HHIP: variants seen among roughly 807,000 people sequenced by gnomAD.
The protein encoded by HHIP is hedgehog interacting protein.
HHIP carries 12 observed loss-of-function variants against 74.0 expected under a neutral mutation model. That is an observed-to-expected ratio of 0.16 (90% CI 0.10 to 0.26). The LOEUF is 0.26. HHIP is among the 10% of genes least tolerant of loss of function. The pLI is 1.00. For missense variants in HHIP, 788 were observed against 845.0 expected, an observed-to-expected ratio of 0.93 and a Z score of 0.84; for synonymous variants, 309 against 311.6, an observed-to-expected ratio of 0.99 and a Z score of 0.09.
intron 11 of HHIP, among the ~76,000 whole-genome samples, chr4:144,726,779 G>A (rs540552083): frequency 9.2e-5 from 14 of 152,280 alleles, no homozygotes; most frequent in African/African-American, 3.1e-4. Context: ...CAACTGAGCC[G>A]TCAATGAAAA....
intron 8 of HHIP, among the ~76,000 whole-genome samples, chr4:144,713,214 G>GA (rs1198349774): frequency 1.3e-5 from 2 of 152,052 alleles, no homozygotes; most frequent in African/African-American, 2.4e-5. Flanking sequence ...TACAAATGAG[G>GA]AAACTGAGGC....
chr4:144,674,274 A>G (rs985838328), intron 4 of HHIP, among the ~76,000 whole-genome samples: 10 of 152,238 alleles, frequency 6.6e-5, no homozygotes, highest in Admixed American at 5.2e-4. Context: ...ATTTTGTCCA[A>G]TGAACACATA....
rs1200446270 is a variant in HHIP at position 144,744,195 on chromosome 4, T to C, written c.*6238T>C. The C allele has an allele frequency of 1.3e-5, 2 of 152,162 alleles. No homozygotes were observed. Among genetic ancestry groups the C allele is most frequent in the African/African-American group, 2.4e-5 (1 of 41,440 alleles). The allele number at this position is 152,162 out of a possible 1,614,324, so 9.4% of individuals were successfully genotyped here. ...GGACATGCTACAGTAAACTAAACTA[T>C]TTATTCAAAAGTAACCCAACTAATT... On this transcript the variant is annotated 3_prime_UTR_variant, in exon 13 of 13. Transcript: ENST00000296575.
intron 3 of HHIP, 58 bp from the exon 4 acceptor site, chr4:144,659,579 G>T: frequency 8.8e-7 from 1 of 1,134,286 alleles, no homozygotes; most frequent in Non-Finnish European, 1.2e-6. Context: ...GATGCCAAGT[G>T]CATCCCTTAT....
At chr4:144,673,558 AAG>A (rs1729099702) in intron 4 of HHIP, among the ~76,000 whole-genome samples, 2 of 152,176 alleles carry the variant, frequency 1.3e-5, no homozygotes, top group Non-Finnish European at 2.9e-5. Context: ...TAAAGGGAGA[AAG>A]GGGGGAAAAT....
At chr4:144,692,676 T>C (rs1238876134) in intron 4 of HHIP, among the ~76,000 whole-genome samples, 1 of 152,182 alleles carries the variant, frequency 6.6e-6, no homozygotes, top group African/African-American at 2.4e-5. Context: ...TAGCGTTACT[T>C]GTGTAAAGTC....
chr4:144,686,595 G>C (rs369047392), intron 4 of HHIP, among the ~76,000 whole-genome samples: 1 of 152,096 alleles, frequency 6.6e-6, no homozygotes, highest in Admixed American at 6.6e-5. Flanking sequence ...GTTACTAAAA[G>C]AAATTATGGG....
chr4:144,646,655 C>G lies in HHIP; in HGVS notation c.-21C>G. 6.2e-7 allele frequency: 1 copy of G among 1,607,034 alleles called. No individual in the cohort carries two copies. Among genetic ancestry groups the G allele is most frequent in the Non-Finnish European group, 8.5e-7 (1 of 1,175,392 alleles). On this transcript the variant is annotated 5_prime_UTR_variant, in exon 1 of 13. Transcript: ENST00000296575. ...TCCCCCCCATCCTCCCGCGCCCAGC[C>G]CCTGCTGCTCTGGGCAGACGATGCT...
chr4:144,672,794 C>T (rs879924064), intron 4 of HHIP, among the ~76,000 whole-genome samples: 7 of 152,114 alleles, frequency 4.6e-5, no homozygotes, highest in South Asian at 4.1e-4. Flanking sequence ...CCCTGCCTCC[C>T]GGGTTCAAGC....
intron 4 of HHIP, among the ~76,000 whole-genome samples, chr4:144,675,185 T>C (rs575405048): frequency 1.3e-5 from 2 of 152,334 alleles, no homozygotes; most frequent in Admixed American, 1.3e-4. Context: ...AGTTAAATTA[T>C]GACTGCTTTA....
In HHIP at chr4:144,683,970, G is replaced by A. The variant is rs1339676419; in HGVS notation, c.832-22561G>A. On this transcript the variant is annotated intron_variant, in intron 4 of 12. Coordinates refer to ENST00000296575, the MANE Select transcript of HHIP (RefSeq NM_022475.3). ...CTCAGCTACTTGGGAGGCTGAGGCA[G>A]GAGAATTGCTTGAACCCAGGAGGCA... Among the ~76,000 whole-genome samples the A allele has an allele frequency of 2.6e-5, 4 of 151,828 alleles. No homozygotes were observed. The East Asian group carries it at 7.8e-4, about 30-fold the overall frequency.
intron 8 of HHIP, 44 bp from the exon 9 acceptor site, chr4:144,714,181 A>C (rs749279478): frequency 6.4e-7 from 1 of 1,569,704 alleles, no homozygotes; most frequent in African/African-American, 1.4e-5. Context: ...CTTTTACTTT[A>C]TGAAAATATG....
At chr4:144,684,232 ATTTTTTTTTTTTTTTTTTTTTTTTTTTT>A (rs1174297815) in intron 4 of HHIP, among the ~76,000 whole-genome samples, 10 of 63,010 alleles carry the variant, frequency 1.6e-4, no homozygotes, top group African/African-American at 3.1e-4. Flanking sequence ...AAAAAAAAGA[ATTTTTTTTTTTTTTTTTTTTTTTTTTTT>A]TTTTTTTTTT....
At position 144,712,034 on chromosome 4, in the gene HHIP, A is replaced by C; in HGVS notation, c.1386A>C (p.Ser462=). Residue 462 remains serine (S), a synonymous_variant, in exon 8 of 13, where the codon TCA becomes TCC. Coordinates refer to ENST00000296575, the MANE Select transcript of HHIP (RefSeq NM_022475.3). ...ACTCCAATGGAAAAAACAGATCATC[A>C]GCCAGAATTCTACAGATAATAAAGG... ...CSDSNGKNRS[S]ARILQIIKGK... 6.2e-6 allele frequency: 10 copies of C among 1,612,954 alleles called. No homozygotes were observed. Among genetic ancestry groups the C allele is most frequent in the Non-Finnish European group, 8.5e-6 (10 of 1,179,038 alleles).
intron 4 of HHIP, among the ~76,000 whole-genome samples, chr4:144,671,769 G>A (rs745826464): frequency 3.3e-5 from 5 of 152,128 alleles, no homozygotes; most frequent in African/African-American, 1.2e-4. Context: ...CGGATTACAA[G>A]ATCAGGAGTT....
intron 4 of HHIP, among the ~76,000 whole-genome samples, chr4:144,678,311 G>T (rs974203295): frequency 7.2e-5 from 11 of 152,172 alleles, no homozygotes; most frequent in African/African-American, 2.7e-4. Flanking sequence ...GTACCCTACG[G>T]CTCTAAAGTT....
In HHIP at chr4:144,661,497, C is replaced by T. The variant is rs536980520; in HGVS notation, c.831+1659C>T. 2.6e-5 allele frequency: 4 copies of T among 152,060 alleles called. No individual in the cohort carries two copies. The South Asian group carries it at 8.3e-4, about 32-fold the overall frequency. The allele number at this position is 152,060 out of a possible 1,614,324, so 9.4% of individuals were successfully genotyped here. A position where few individuals can be genotyped will look rare whatever the true frequency, so the allele number is the denominator to read the frequency against. On this transcript the variant is annotated intron_variant, in intron 4 of 12. Transcript: ENST00000296575. ...TTGATGTTTTAGCGCTAATTATGTC[C>T]ACGAGATAGGAATATATCACACGGA...
intron 10 of HHIP, among the ~76,000 whole-genome samples, chr4:144,716,107 G>A (rs955569903): frequency 2.0e-5 from 3 of 152,204 alleles, no homozygotes; most frequent in African/African-American, 7.2e-5. Context: ...AGAGATCAAT[G>A]TAGTTTCATA....
intron 4 of HHIP, among the ~76,000 whole-genome samples, chr4:144,665,769 T>C (rs180863838): frequency 1.4e-3 from 218 of 152,338 alleles, no homozygotes; most frequent in African/African-American, 5.0e-3. Flanking sequence ...TCCACCCTAT[T>C]TTTTACTGAA....
Sources: gnomAD v4.1 joint callset for allele counts (sites outside exome capture counted in the v4.1 genomes callset) on GRCh38, gnomAD v4.1.1 for gene constraint, MANE v1.5 for transcripts, NCBI Gene and HGNC (gene_info 2026-07-23, HGNC 2026-07-21) for gene names.